The following AGMO variants were observed in gnomAD, a reference collection of about 807,000 sequenced individuals.
AGMO encodes alkylglycerol monooxygenase.
Under a neutral mutation model 60.2 loss-of-function variants are expected in AGMO, and 75 were observed. That is an observed-to-expected ratio of 1.25 (90% CI 1.03 to 1.51). AGMO has a LOEUF of 1.51. Ranked by LOEUF, AGMO falls within the 40% of genes most tolerant of loss-of-function variation. The pLI is 0.00. For synonymous variants in AGMO, 261 were observed against 177.1 expected (o/e 1.47, Z -3.76); for missense variants, 763 against 525.5 (o/e 1.45, Z -4.42).
intron 12 of AGMO, among the ~76,000 whole-genome samples, chr7:15,209,068 A>G (rs11982283): frequency 0.011 from 1,688 of 152,330 alleles, 31 homozygotes; most frequent in African/African-American, 0.038. Flanking sequence ...ATCTTCTACC[A>G]AAAGGTCATT....
downstream of AGMO, among the ~76,000 whole-genome samples, chr7:15,199,704 C>A (rs971173977): frequency 6.6e-6 from 1 of 152,040 alleles, no homozygotes; most frequent in Admixed American, 6.6e-5. Context: ...TATATGTATA[C>A]AAAATTCTGT....
chr7:15,335,991 G>A (rs374082700), intron 12 of AGMO, among the ~76,000 whole-genome samples: 1 of 152,060 alleles, frequency 6.6e-6, no homozygotes, highest in African/African-American at 2.4e-5. Flanking sequence ...ATAGTAAGTG[G>A]AAGATCTACT....
chr7:15,408,845 T>G (rs1029109963), intron 5 of AGMO, among the ~76,000 whole-genome samples: 3 of 151,874 alleles, frequency 2.0e-5, no homozygotes, highest in African/African-American at 4.8e-5. Context: ...ATTAGCATAA[T>G]GACTAACACA....
chr7:15,469,929 A>C (rs1782403516), intron 3 of AGMO, among the ~76,000 whole-genome samples: 1 of 152,066 alleles, frequency 6.6e-6, no homozygotes, highest in African/African-American at 2.4e-5. Flanking sequence ...ATAGAATATG[A>C]GGAAAAACAA....
chr7:15,524,368 G>A (rs187603855), intron 3 of AGMO, among the ~76,000 whole-genome samples: 1 of 151,862 alleles, frequency 6.6e-6, no homozygotes, highest in African/African-American at 2.4e-5. Context: ...TGATTCAGAC[G>A]ATTTTCAAAA....
chr7:15,353,585 T>A (rs1460634466), intron 12 of AGMO, among the ~76,000 whole-genome samples: 4 of 152,342 alleles, frequency 2.6e-5, no homozygotes, highest in African/African-American at 9.6e-5. Context: ...AATACTTTTT[T>A]AAAAAACTCA....
chr7:15,550,339 A>G (rs1279314958), intron 2 of AGMO, among the ~76,000 whole-genome samples: 5 of 152,144 alleles, frequency 3.3e-5, no homozygotes, highest in Admixed American at 6.5e-5. Flanking sequence ...AAGGAAATAG[A>G]GACACAAAAC....
intron 3 of AGMO, among the ~76,000 whole-genome samples, chr7:15,490,243 C>T (rs1458479590): frequency 6.6e-6 from 1 of 151,984 alleles, no homozygotes; most frequent in Non-Finnish European, 1.5e-5. Flanking sequence ...AATTATTGTT[C>T]CTGAAATTTT....
chr7:15,199,695 A>G (rs1004560169), downstream of AGMO, among the ~76,000 whole-genome samples: 3 of 152,178 alleles, frequency 2.0e-5, no homozygotes, highest in Non-Finnish European at 4.4e-5. Flanking sequence ...ATGATTCTGT[A>G]TATGTATACA....
chr7:15,363,975 T>C (rs1220378871), intron 12 of AGMO, among the ~76,000 whole-genome samples: 1 of 152,070 alleles, frequency 6.6e-6, no homozygotes, highest in Non-Finnish European at 1.5e-5. Flanking sequence ...TAAATATGTA[T>C]AATTTATGAT....
chr7:15,288,718 G>A (rs1784170397), intron 12 of AGMO, among the ~76,000 whole-genome samples: 1 of 150,038 alleles, frequency 6.7e-6, no homozygotes, highest in African/African-American at 2.5e-5. Context: ...TTCAAATTAA[G>A]TGACTGAATG....
At position 15,498,019 on chromosome 7, in the gene AGMO, C is replaced by T. The variant is rs554959363; in HGVS notation, c.409+46753G>A. Among the ~76,000 whole-genome samples, 461 of 152,082 alleles carry T rather than the reference C, an allele frequency of 3.0e-3. 2 individuals are homozygous for T. Among genetic ancestry groups the T allele is most frequent in the African/African-American group, 0.011 (443 of 41,528 alleles). On this transcript the variant is annotated intron_variant, in intron 3 of 12. Transcript: ENST00000342526. ...TCTTCAAGTTATACTATGTATACTG[C>T]ACCCACAACACACACGATAATTAGC...
chr7:15,384,716 C>T (rs545415773), intron 10 of AGMO, among the ~76,000 whole-genome samples: 1 of 151,850 alleles, frequency 6.6e-6, no homozygotes, highest in South Asian at 2.1e-4. Context: ...ACTTCACCTA[C>T]TTACAATTTA....
the AGMO span, among the ~76,000 whole-genome samples, chr7:15,189,265 T>C: frequency 2.0e-5 from 3 of 151,888 alleles, no homozygotes; most frequent in Non-Finnish European, 4.4e-5. Context: ...TTATTATTAA[T>C]GAAATTTACA....
intron 3 of AGMO, among the ~76,000 whole-genome samples, chr7:15,466,438 T>G (rs1167751455): frequency 1.3e-5 from 2 of 152,160 alleles, no homozygotes; most frequent in Non-Finnish European, 2.9e-5. Context: ...CGTGAGCACT[T>G]TACTGCTATT....
At chr7:15,393,530 C>T (rs1784236514) in intron 6 of AGMO, among the ~76,000 whole-genome samples, 1 of 152,104 alleles carries the variant, frequency 6.6e-6, no homozygotes, top group African/African-American at 2.4e-5. Flanking sequence ...TGATGATATG[C>T]ACATTGCTAT....
chr7:15,402,825 C>T (rs1183346590), intron 5 of AGMO, among the ~76,000 whole-genome samples: 1 of 151,562 alleles, frequency 6.6e-6, no homozygotes, highest in Admixed American at 6.6e-5. Flanking sequence ...TTACTCAAAG[C>T]TATTTGCATA....
the AGMO span, among the ~76,000 whole-genome samples, chr7:15,143,523 C>CAGT: frequency 6.6e-6 from 1 of 152,098 alleles, no homozygotes; most frequent in Admixed American, 6.6e-5. Flanking sequence ...GGTACTTTAA[C>CAGT]AGTAAAAGGC....
At chr7:15,432,905 T>C (rs999306779) in intron 3 of AGMO, among the ~76,000 whole-genome samples, 1 of 151,958 alleles carries the variant, frequency 6.6e-6, no homozygotes, top group Non-Finnish European at 1.5e-5. Flanking sequence ...TCTTCAGATG[T>C]TAGGTGGACG....
Sources: allele counts gnomAD v4.1 joint callset (sites outside exome capture counted in the v4.1 genomes callset), GRCh38; gene constraint gnomAD v4.1.1; transcripts MANE v1.5; gene names NCBI Gene and HGNC (gene_info 2026-07-23, HGNC 2026-07-21).